The following ZFHX3 variants were observed in gnomAD, a reference collection of about 807,000 sequenced individuals.
ZFHX3 encodes the protein zinc finger homeobox 3, also known as zinc finger homeobox protein 3.
A neutral mutation model predicts 279.1 loss-of-function variants in ZFHX3; 42 were observed. That is an observed-to-expected ratio of 0.15 (90% CI 0.12 to 0.19). ZFHX3 has a LOEUF of 0.19. ZFHX3 is among the 10% of genes least tolerant of loss of function. The probability of loss-of-function intolerance (pLI) is 1.00; values close to 1 mark genes in which losing one functional copy is unlikely to be tolerated. For missense variants in ZFHX3, 4,981 were observed against 4,754.0 expected (o/e 1.05, Z -1.40); for synonymous variants, 2,293 against 1,957.8 (o/e 1.17, Z -4.52).
At chr16:73,147,768 G>T (rs1966873434) in intron 5 of ZFHX3, among the ~76,000 whole-genome samples, 1 of 150,602 alleles carries the variant, frequency 6.6e-6, no homozygotes, top group Non-Finnish European at 1.5e-5. Context: ...TATTCCGGAG[G>T]CCGAGGTGGG....
intron 8 of ZFHX3, among the ~76,000 whole-genome samples, chr16:73,071,479 C>CTGCTGCTGCTGCTGCT (rs1336144367): frequency 7.6e-6 from 1 of 132,240 alleles, no homozygotes; most frequent in African/African-American, 3.6e-5. Flanking sequence ...CTGCTGCTGC[C>CTGCTGCTGCTGCTGCT]GCCGCCGCCG....
intron 3 of ZFHX3, among the ~76,000 whole-genome samples, chr16:73,413,912 T>A (rs920142022): frequency 3.3e-5 from 5 of 152,242 alleles, no homozygotes; most frequent in Admixed American, 1.3e-4. Flanking sequence ...ATTATTAGAA[T>A]GAAGGATACT....
intron 5 of ZFHX3, 59 bp downstream of exon 5, chr16:72,829,720 T>C: frequency 6.3e-7 from 1 of 1,583,540 alleles, no homozygotes; most frequent in Non-Finnish European, 8.7e-7. Flanking sequence ...GAAGGAAAGA[T>C]GAGAAGGCTC....
intron 3 of ZFHX3, among the ~76,000 whole-genome samples, chr16:73,386,200 G>GTC (rs1365671780): frequency 2.0e-5 from 3 of 151,194 alleles, no homozygotes; most frequent in South Asian, 2.1e-4. Context: ...CACCGTCTCT[G>GTC]TCTCTCTCTC....
At chr16:72,935,590 C>T (rs1480308625) in intron 3 of ZFHX3, among the ~76,000 whole-genome samples, 1 of 151,858 alleles carries the variant, frequency 6.6e-6, no homozygotes. Flanking sequence ...AAAATACAAA[C>T]ATTAGCTGGG....
chr16:72,914,045 A>G (rs149117904), intron 3 of ZFHX3, among the ~76,000 whole-genome samples: 1 of 152,366 alleles, frequency 6.6e-6, no homozygotes, highest in African/African-American at 2.4e-5. Context: ...GTGTTAACAC[A>G]GCTATGAAGG....
intron 5 of ZFHX3, among the ~76,000 whole-genome samples, chr16:73,208,592 C>CA (rs1162876805): frequency 2.0e-5 from 3 of 152,024 alleles, no homozygotes; most frequent in Admixed American, 1.3e-4. Context: ...CATTAAGTGA[C>CA]AAAAGTAGGA....
intron 2 of ZFHX3, among the ~76,000 whole-genome samples, chr16:73,597,430 T>C (rs1320190275): frequency 6.6e-6 from 1 of 152,242 alleles, no homozygotes; most frequent in Non-Finnish European, 1.5e-5. Flanking sequence ...CTGGGTTGAA[T>C]AGTGTCCCAC....
chr16:73,721,596 C>A, intron 1 of ZFHX3, among the ~76,000 whole-genome samples: 1 of 152,210 alleles, frequency 6.6e-6, no homozygotes, highest in East Asian at 1.9e-4. Context: ...CCGGCATGCC[C>A]ACCCATGCAC....
intron 1 of ZFHX3, among the ~76,000 whole-genome samples, chr16:73,736,589 GA>G (rs149297936): frequency 0.067 from 10,195 of 152,240 alleles, 480 homozygotes; most frequent in African/African-American, 0.13. Context: ...AGGGAAATCA[GA>G]AAAATGCCCT....
At position 73,509,770 on chromosome 16, in the gene ZFHX3, A is replaced by G. The variant is rs541103608; in HGVS notation, c.-1546-53512T>C. ...GAGTGCAGTGGCGTGATCTCGGCTCACTGCAACCTCCACCCCCGGGGTTCA... is the reference window on the plus strand; with the variant it reads ...GAGTGCAGTGGCGTGATCTCGGCTCGCTGCAACCTCCACCCCCGGGGTTCA... On this transcript the variant is annotated intron_variant, in intron 2 of 17. Coordinates refer to the ZFHX3 transcript ENST00000641206. 8.3e-4 allele frequency among the ~76,000 whole-genome samples: 115 copies of G among 138,790 alleles called. 1 individual carries two copies. Among genetic ancestry groups the G allele is most frequent in the African/African-American group, 3.0e-3 (109 of 36,006 alleles). The allele number at this position is 138,790 out of a possible 152,430, so 91.1% of individuals were successfully genotyped here.
At position 72,950,776 on chromosome 16, in the gene ZFHX3, C is replaced by T. The variant is rs746690419; in HGVS notation, c.2909G>A (p.Ser970Asn). ...CGCCTTCCACTCGTCCTCCGACAGG[C>T]TGCGCTCCACGTTCATGTGCAGGCC... Reference protein sequence around the residue: ...MLGLHMNVERSLSEDEWKAVM... With the variant: ...MLGLHMNVERNLSEDEWKAVM... Residue 970 changes from serine (S) to asparagine (N), a missense_variant, in exon 3 of 10, where the codon AGC (serine) becomes AAC (asparagine). This residue lies in a region of ZFHX3 where 1,751 missense variants were observed against 1,770.0 expected (regional missense o/e 0.99). Coordinates refer to ENST00000268489, the MANE Select transcript of ZFHX3 (RefSeq NM_006885.4). 2.5e-6 allele frequency: 4 copies of T among 1,614,130 alleles called. No homozygotes were observed.
At chr16:73,107,911 C>T (rs1597159351) in intron 7 of ZFHX3, among the ~76,000 whole-genome samples, 4 of 152,272 alleles carry the variant, frequency 2.6e-5, no homozygotes, top group African/African-American at 9.6e-5. Flanking sequence ...CCTGTAATCC[C>T]AGCACTTTGG....
intron 5 of ZFHX3, among the ~76,000 whole-genome samples, chr16:73,167,554 A>G (rs986613442): frequency 6.6e-6 from 1 of 152,224 alleles, no homozygotes; most frequent in Admixed American, 6.5e-5. Flanking sequence ...TAGAAAAAAA[A>G]TAATAATAAT....
chr16:73,657,847 C>T (rs573130989), intron 2 of ZFHX3, among the ~76,000 whole-genome samples: 1 of 152,258 alleles, frequency 6.6e-6, no homozygotes, highest in African/African-American at 2.4e-5. Flanking sequence ...ATCCATTCAT[C>T]AGCAGACAGA....
rs113086028 is a variant in ZFHX3 at position 73,708,254 on chromosome 16, A to G, written c.-1607-28014T>C. Among the ~76,000 whole-genome samples the G allele has an allele frequency of 6.7e-3, 1,020 of 152,338 alleles. 12 individuals carry two copies. The highest frequency in any genetic ancestry group is 0.023 in the African/African-American group (951 of 41,572). The stretch of plus-strand genomic sequence containing the variant: ...TACTTTTTGATCTTTTAATCTTACT[A>G]AATTGATGACAATCATCTATTTTTA... On this transcript the variant is annotated intron_variant, in intron 1 of 17. Transcript: ENST00000641206.
chr16:73,859,258 T>TA (rs1961819787), intron 1 of ZFHX3, among the ~76,000 whole-genome samples: 1 of 152,170 alleles, frequency 6.6e-6, no homozygotes, highest in African/African-American at 2.4e-5. Context: ...GGCACAATGG[T>TA]AAAAGAACAT....
intron 1 of ZFHX3, among the ~76,000 whole-genome samples, chr16:73,020,259 G>A (rs1964253821): frequency 2.0e-5 from 3 of 152,068 alleles, no homozygotes; most frequent in Non-Finnish European, 1.5e-5. Flanking sequence ...ACTTTACATT[G>A]GCAGAACACT....
chr16:72,963,526 T>A (rs1220945336), intron 1 of ZFHX3, among the ~76,000 whole-genome samples: 2 of 152,168 alleles, frequency 1.3e-5, no homozygotes, highest in African/African-American at 2.4e-5. Flanking sequence ...TTCCAGCACC[T>A]TCATCAAGTA....
Sources: allele counts gnomAD v4.1 joint callset (sites outside exome capture counted in the v4.1 genomes callset), GRCh38; gene constraint gnomAD v4.1.1; regional missense constraint gnomAD v4.1.1; transcripts MANE v1.5; gene names NCBI Gene and HGNC (gene_info 2026-07-23, HGNC 2026-07-21).